Variants in CCZ1B observed in about 807,000 individuals in gnomAD.
The protein encoded by CCZ1B is vacuolar fusion protein CCZ1 homolog B.
In CCZ1B, 25 loss-of-function variants were observed where a neutral mutation model predicts 58.8. That is an observed-to-expected ratio of 0.43 (90% CI 0.31 to 0.59). The LOEUF (loss-of-function observed/expected upper bound fraction) is 0.59, where lower values mean the gene tolerates loss of function less well. CCZ1B is among the 20% of genes least tolerant of loss of function. The pLI is 0.12. For missense variants in CCZ1B, 180 were observed against 501.5 expected (o/e 0.36, Z 6.12); for synonymous variants, 66 against 173.2 (o/e 0.38, Z 4.86).
chr7:6,812,381 A>C (rs1304981445), intron 9 of CCZ1B: 16 of 353,940 alleles, frequency 4.5e-5, no homozygotes, highest in African/African-American at 9.3e-5. Context: ...CCCAGCTACT[A>C]GAGAGGCTGA....
intron 7 of CCZ1B, among the ~76,000 whole-genome samples, chr7:6,819,345 C>A (rs1481682317): frequency 6.8e-6 from 1 of 147,206 alleles, no homozygotes; most frequent in Non-Finnish European, 1.5e-5. Flanking sequence ...AAGTGATTCT[C>A]CTGCCTCAGC....
At chr7:6,821,354 T>C (rs1221710470) in intron 6 of CCZ1B, among the ~76,000 whole-genome samples, 2 of 151,766 alleles carry the variant, frequency 1.3e-5, no homozygotes, top group Non-Finnish European at 1.5e-5. Flanking sequence ...TGATATGTAC[T>C]CAGGACAACA....
intron 14 of CCZ1B, among the ~76,000 whole-genome samples, chr7:6,799,672 C>T (rs1445454788): frequency 4.0e-5 from 1 of 25,308 alleles, no homozygotes; most frequent in Non-Finnish European, 6.3e-5. Context: ...GCTGGGATTA[C>T]AGGCATGAAC....
chr7:6,825,635 G>GA (rs1301371943), intron 1 of CCZ1B, among the ~76,000 whole-genome samples: 28 of 92,986 alleles, frequency 3.0e-4, no homozygotes, highest in Admixed American at 1.7e-3. Flanking sequence ...CCCCACCTCA[G>GA]AAAAACCACA....
At position 6,820,481 on chromosome 7, in the gene CCZ1B, A is replaced by ATT. The variant is rs1373094438; in HGVS notation, c.523-542_523-541dup. ...TGTGAGCCACCACGCCTGGCCAAAA[A>ATT]TTTTTTTTTTTTTTTGGTATAGACA... On this transcript the variant is annotated intron_variant, in intron 6 of 14. Transcript: ENST00000316731. 7.0e-5 allele frequency among the ~76,000 whole-genome samples: 10 copies of ATT among 142,094 alleles called. No individual in the cohort carries two copies. The East Asian group carries it at 1.4e-3, about 20-fold the overall frequency. The allele number at this position is 142,094 out of a possible 152,430, so 93.2% of individuals were successfully genotyped here.
At chr7:6,824,962 A>G (rs1362049190) in intron 1 of CCZ1B, among the ~76,000 whole-genome samples, 1 of 149,192 alleles carries the variant, frequency 6.7e-6, no homozygotes, top group Non-Finnish European at 1.5e-5. Context: ...CAACACAGTG[A>G]GACGTCTCTA....
chr7:6,824,474 T>C lies in CCZ1B; in HGVS notation c.293A>G (p.Glu98Gly). The C allele has an allele frequency of 6.2e-7, 1 of 1,606,296 alleles. No individual in the cohort carries two copies. The highest frequency in any genetic ancestry group is 8.5e-7 in the Non-Finnish European group (1 of 1,177,922). Residue 98 changes from glutamate to glycine, a missense_variant, in exon 3 of 15, where the codon GAA (glutamate) becomes GGA (glycine). Transcript: ENST00000316731. ...KNRQFFNEPE[E>G]NFWMVMVVRN... ...AAATACCATGACCATCCAGAAATTT[T>C]CTTCTGGTTCATTGAAGAACTGTCT...
At chr7:6,799,403 C>T in intron 14 of CCZ1B, 124 bp from the exon 15 acceptor site, 2 of 429,304 alleles carry the variant, frequency 4.7e-6, no homozygotes, top group South Asian at 8.3e-5. Context: ...GACCTTAAAT[C>T]CCAGAAGACT....
rs559426605 is a variant in CCZ1B, at chr7:6,815,738, G to T, written c.699-893C>A. 5.2e-4 allele frequency among the ~76,000 whole-genome samples: 78 copies of T among 149,362 alleles called. 6 individuals carry two copies. In the South Asian group the frequency reaches 0.011, roughly 22 times the overall value. On this transcript the variant is annotated intron_variant, in intron 7 of 14. Coordinates refer to ENST00000316731, the MANE Select transcript of CCZ1B (RefSeq NM_198097.5). ...TGCAAAAGGCTACTCCTACAGTCCT[G>T]TATTTTACATGCCATTTGAGATGAA...
chr7:6,803,817 C>G (rs1480842874), intron 12 of CCZ1B, among the ~76,000 whole-genome samples: 4 of 151,340 alleles, frequency 2.6e-5, no homozygotes, highest in Non-Finnish European at 5.9e-5. Flanking sequence ...AAAAATTAGC[C>G]AGGCATGATG....
At chr7:6,813,161 T>G in intron 8 of CCZ1B, 124 bp from the exon 9 acceptor site, 1 of 1,412,992 alleles carries the variant, frequency 7.1e-7, no homozygotes, top group Non-Finnish European at 9.7e-7. Flanking sequence ...AGAGACAGGA[T>G]CTTGTTCTGT....
chr7:6,819,148 G>GAAAAAAAAAA lies in CCZ1B; in HGVS notation c.698+617_698+618insTTTTTTTTTT, dbSNP rs1783068206. On this transcript the variant is annotated intron_variant, in intron 7 of 14. Transcript: ENST00000316731. ...GAAAAAAAAAAAAAAAAAAAAAAAG[G>GAAAAAAAAAA]TATAAAAATTCTGCTTTTAACATTT... is the stretch of plus-strand genomic sequence containing the variant. Among the ~76,000 whole-genome samples the GAAAAAAAAAA allele has an allele frequency of 1.5e-4, 15 of 98,604 alleles. 1 individual carries two copies. Among genetic ancestry groups the GAAAAAAAAAA allele is most frequent in the Non-Finnish European group, 2.5e-4 (12 of 48,592 alleles). 64.7% of individuals were successfully genotyped at this position (98,604 alleles called of 152,430 possible).
In CCZ1B at chr7:6,810,485, C is replaced by T. The variant is rs550779353; in HGVS notation, c.954+1467G>A. Among the ~76,000 whole-genome samples the T allele has an allele frequency of 1.3e-5, 2 of 148,452 alleles. 1 individual carries two copies. Among genetic ancestry groups the T allele is most frequent in the South Asian group, 4.3e-4 (2 of 4,680 alleles). On this transcript the variant is annotated intron_variant, in intron 10 of 14. Transcript: ENST00000316731. ...TTTCATTATTTTTGAGAGGGTTTCA[C>T]TCTGTCACCCAGGCTAGAATGCAGT...
intron 10 of CCZ1B, among the ~76,000 whole-genome samples, chr7:6,809,983 A>C (rs1360905248): frequency 6.7e-6 from 1 of 148,730 alleles, no homozygotes; most frequent in African/African-American, 2.5e-5. Context: ...CATGACGGTA[A>C]ACTTTTTGAG....
chr7:6,821,256 C>T (rs1048523800), intron 6 of CCZ1B, among the ~76,000 whole-genome samples: 1 of 149,698 alleles, frequency 6.7e-6, no homozygotes, highest in Non-Finnish European at 1.5e-5. Flanking sequence ...AAGATCTGCC[C>T]GCCTCGGCCT....
intron 7 of CCZ1B, 98 bp downstream of exon 7, chr7:6,819,668 C>T (rs1783076731): frequency 1.5e-6 from 1 of 674,342 alleles, no homozygotes; most frequent in South Asian, 1.9e-5. Context: ...ATCCTCCCCG[C>T]TGCAAGTTCC....
At chr7:6,816,478 C>CA (rs1397247547) in intron 7 of CCZ1B, among the ~76,000 whole-genome samples, 2 of 147,688 alleles carry the variant, frequency 1.4e-5, no homozygotes, top group South Asian at 2.1e-4. Context: ...AAATGAGACT[C>CA]AGTCTCAAAA....
At chr7:6,804,427 A>T (rs1444238943) in intron 12 of CCZ1B, among the ~76,000 whole-genome samples, 1 of 125,372 alleles carries the variant, frequency 8.0e-6, no homozygotes, top group Non-Finnish European at 1.6e-5. Flanking sequence ...TTTGTCTCAA[A>T]AAAAAAGCCA....
At chr7:6,816,095 A>G (rs1782995210) in intron 7 of CCZ1B, among the ~76,000 whole-genome samples, 1 of 147,840 alleles carries the variant, frequency 6.8e-6, no homozygotes, top group Admixed American at 6.8e-5. Flanking sequence ...GCACAGAGAA[A>G]CTAGCAGGTA....
Sources: allele counts gnomAD v4.1 joint callset (sites outside exome capture counted in the v4.1 genomes callset), GRCh38; gene constraint gnomAD v4.1.1; transcripts MANE v1.5; gene names NCBI Gene and HGNC (gene_info 2026-07-23, HGNC 2026-07-21).